The following MACROD2 variants were observed in gnomAD, a reference collection of about 807,000 sequenced individuals.
MACROD2 encodes the protein ADP-ribose glycohydrolase MACROD2.
In MACROD2, 36 loss-of-function variants were observed where a neutral mutation model predicts 70.4. That is an observed-to-expected ratio of 0.51 (90% CI 0.39 to 0.68). MACROD2 has a LOEUF of 0.68. Ranked by LOEUF, MACROD2 falls within the 30% of genes least tolerant of loss-of-function variation. MACROD2 has a pLI of 0.00. For missense variants in MACROD2, 496 were observed against 538.4 expected (o/e 0.92, Z 0.78); for synonymous variants, 172 against 178.8 (o/e 0.96, Z 0.30).
At chr20:14,664,331 T>C (rs755880939) in intron 4 of MACROD2, among the ~76,000 whole-genome samples, 3 of 152,114 alleles carry the variant, frequency 2.0e-5, no homozygotes, top group Non-Finnish European at 2.9e-5. Flanking sequence ...TAAGCCCTTA[T>C]GTGCTTCGAG....
intron 15 of MACROD2, 114 bp downstream of exon 15, chr20:15,987,272 C>G (rs1204087683): frequency 1.2e-6 from 1 of 813,740 alleles, no homozygotes; most frequent in South Asian, 1.7e-5. Flanking sequence ...AGGGGGAAAA[C>G]GAACATTTCC....
intron 3 of MACROD2, among the ~76,000 whole-genome samples, chr20:14,250,403 A>G (rs1025995507): frequency 3.9e-5 from 6 of 152,132 alleles, no homozygotes; most frequent in African/African-American, 1.4e-4. Context: ...GATAACCATT[A>G]TTAATTTCTT....
At chr20:14,941,772 T>TTC (rs1037561917) in intron 5 of MACROD2, among the ~76,000 whole-genome samples, 6 of 150,276 alleles carry the variant, frequency 4.0e-5, no homozygotes, top group Admixed American at 1.3e-4. Flanking sequence ...CTGAATTTCT[T>TTC]TCTCTCTCTC....
intron 7 of MACROD2, among the ~76,000 whole-genome samples, chr20:15,479,366 G>A (rs893339829): frequency 1.6e-4 from 23 of 140,000 alleles, no homozygotes; most frequent in South Asian, 2.4e-4. Flanking sequence ...TCCGCCTCCC[G>A]GGTTCACGCC....
chr20:15,029,243 A>G (rs1029167986), intron 5 of MACROD2, among the ~76,000 whole-genome samples: 5 of 152,164 alleles, frequency 3.3e-5, no homozygotes, highest in Non-Finnish European at 7.4e-5. Context: ...AACTTAGATG[A>G]AGCATTACAC....
intron 3 of MACROD2, among the ~76,000 whole-genome samples, chr20:14,343,996 T>C (rs2083040440): frequency 6.6e-6 from 1 of 152,226 alleles, no homozygotes. Context: ...GAAAGGAAGA[T>C]TTTCTGAAAT....
At chr20:14,061,390 A>G (rs2053689230) in intron 2 of MACROD2, among the ~76,000 whole-genome samples, 1 of 152,140 alleles carries the variant, frequency 6.6e-6, no homozygotes. Flanking sequence ...TTTCTTTTTA[A>G]AAAATGTGAG....
chr20:14,341,124 G>A (rs1003554828), intron 3 of MACROD2, among the ~76,000 whole-genome samples: 3 of 152,134 alleles, frequency 2.0e-5, no homozygotes, highest in Admixed American at 2.0e-4. Context: ...CATTCATTCA[G>A]TCTTCACATT....
intron 8 of MACROD2, among the ~76,000 whole-genome samples, chr20:15,776,803 C>A (rs1360045638): frequency 6.6e-6 from 1 of 152,108 alleles, no homozygotes; most frequent in East Asian, 1.9e-4. Flanking sequence ...AATTTCATGT[C>A]TTGATTACTC....
intron 4 of MACROD2, among the ~76,000 whole-genome samples, chr20:14,637,322 A>G (rs1331662364): frequency 1.3e-5 from 2 of 152,224 alleles, no homozygotes; most frequent in East Asian, 3.8e-4. Flanking sequence ...GTTGCCACTT[A>G]AAGATGCTCT....
At chr20:14,013,397 C>A (rs940103416) in intron 2 of MACROD2, among the ~76,000 whole-genome samples, 12 of 151,666 alleles carry the variant, frequency 7.9e-5, no homozygotes, top group African/African-American at 2.7e-4. Context: ...CTCAGCCTCC[C>A]GAGTAGCTAG....
At chr20:15,247,730 C>G (rs374546484) in intron 6 of MACROD2, among the ~76,000 whole-genome samples, 4 of 151,792 alleles carry the variant, frequency 2.6e-5, no homozygotes, top group African/African-American at 9.7e-5. Context: ...CTGAGTCTCA[C>G]TCTGTCGCCC....
At chr20:15,741,335 G>A (rs1428178533) in intron 8 of MACROD2, among the ~76,000 whole-genome samples, 3 of 150,856 alleles carry the variant, frequency 2.0e-5, no homozygotes, top group African/African-American at 7.3e-5. Flanking sequence ...TTCTGACCTC[G>A]TGATCTGCCC....
At chr20:16,032,817 GA>G (rs1175018557) in intron 15 of MACROD2, among the ~76,000 whole-genome samples, 2 of 149,464 alleles carry the variant, frequency 1.3e-5, no homozygotes, top group South Asian at 2.2e-4. Flanking sequence ...GGAAGGGGAG[GA>G]AAAAAGAGAG....
chr20:15,327,066 C>T (rs1377710468), intron 6 of MACROD2, among the ~76,000 whole-genome samples: 3 of 152,086 alleles, frequency 2.0e-5, no homozygotes, highest in Non-Finnish European at 4.4e-5. Context: ...ATACAGAAGC[C>T]TTCATAAGGA....
intron 4 of MACROD2, among the ~76,000 whole-genome samples, chr20:14,663,004 A>G (rs1367986575): frequency 2.6e-5 from 4 of 152,200 alleles, no homozygotes; most frequent in South Asian, 2.1e-4. Context: ...AGGAATATAA[A>G]TCATTCTTTT....
At chr20:14,445,852 A>C (rs765272017) in intron 3 of MACROD2, among the ~76,000 whole-genome samples, 2 of 152,172 alleles carry the variant, frequency 1.3e-5, no homozygotes, top group Non-Finnish European at 2.9e-5. Flanking sequence ...TGCTTCATGC[A>C]CATCTAGTTC....
intron 4 of MACROD2, chr20:14,628,702 A>T (rs753530684): frequency 6.6e-6 from 1 of 152,224 alleles, no homozygotes; most frequent in South Asian, 2.1e-4. Context: ...GGACCATATC[A>T]TACAGACAGT....
intron 8 of MACROD2, among the ~76,000 whole-genome samples, chr20:15,774,953 T>A (rs1435620084): frequency 1.3e-5 from 2 of 152,070 alleles, no homozygotes; most frequent in Non-Finnish European, 2.9e-5. Flanking sequence ...ATGTGGAAAT[T>A]TAAGAATGAC....
Sources: allele counts gnomAD v4.1 joint callset (sites outside exome capture counted in the v4.1 genomes callset), GRCh38; gene constraint gnomAD v4.1.1; transcripts MANE v1.5; gene names NCBI Gene and HGNC (gene_info 2026-07-23, HGNC 2026-07-21).